The following SHISA6 variants were observed in gnomAD, a reference collection of about 807,000 sequenced individuals.
SHISA6 encodes protein shisa-6.
SHISA6 carries 22 observed loss-of-function variants against 47.9 expected under a neutral mutation model. That is an observed-to-expected ratio of 0.46 (90% CI 0.33 to 0.66). The LOEUF is 0.66. SHISA6 is among the 30% of genes least tolerant of loss of function. SHISA6 has a pLI of 0.02. For missense variants in SHISA6, 680 were observed against 764.6 expected, an observed-to-expected ratio of 0.89 and a Z score of 1.30; for synonymous variants, 388 against 337.8, an observed-to-expected ratio of 1.15 and a Z score of -1.63.
chr17:11,375,520 C>T (rs80233124), intron 2 of SHISA6, among the ~76,000 whole-genome samples: 7,009 of 152,272 alleles, frequency 0.046, 285 homozygotes, highest in Admixed American at 0.096. Context: ...TAAGTCTTTA[C>T]AGAGATCACC....
chr17:11,258,183 C>T (rs1597425479), intron 1 of SHISA6, among the ~76,000 whole-genome samples: 2 of 152,152 alleles, frequency 1.3e-5, no homozygotes, highest in Admixed American at 6.5e-5. Context: ...TTTCTTCCTA[C>T]CATCCCGAAA....
At chr17:11,447,246 A>G (rs552062275) in intron 3 of SHISA6, among the ~76,000 whole-genome samples, 1 of 152,264 alleles carries the variant, frequency 6.6e-6, no homozygotes, top group South Asian at 2.1e-4. Context: ...CCGAGGAGGG[A>G]AGGTAAGAAA....
At chr17:11,357,212 A>AT (rs1238818831) in intron 2 of SHISA6, among the ~76,000 whole-genome samples, 24 of 149,082 alleles carry the variant, frequency 1.6e-4, no homozygotes, top group South Asian at 2.1e-4. Flanking sequence ...AAAAAAATGA[A>AT]GAAGAAGAAG....
chr17:11,283,530 C>T (rs986588763), intron 2 of SHISA6, among the ~76,000 whole-genome samples: 7 of 152,172 alleles, frequency 4.6e-5, no homozygotes, highest in African/African-American at 1.2e-4. Context: ...AATGCATGCA[C>T]GTGCTAATTT....
chr17:11,459,051 A>C (rs1320792538), intron 3 of SHISA6, among the ~76,000 whole-genome samples: 1 of 151,686 alleles, frequency 6.6e-6, no homozygotes, highest in Admixed American at 6.6e-5. Context: ...CTCTACTAAA[A>C]AAAAAAAATG....
chr17:11,350,174 A>ATTTTTTTTTTTTTTTTTT (rs1310542458), intron 2 of SHISA6, among the ~76,000 whole-genome samples: 2 of 100,428 alleles, frequency 2.0e-5, no homozygotes, highest in East Asian at 4.9e-4. Flanking sequence ...TTATTTATTT[A>ATTTTTTTTTTTTTTTTTT]TTTATTTATT....
intron 2 of SHISA6, among the ~76,000 whole-genome samples, chr17:11,316,004 A>G (rs1017734703): frequency 6.6e-5 from 10 of 152,138 alleles, no homozygotes; most frequent in Non-Finnish European, 1.3e-4. Flanking sequence ...TCCATCATCA[A>G]GTGATCTGGT....
chr17:11,380,228 G>GT (rs1222628367), intron 3 of SHISA6: 2 of 152,232 alleles, frequency 1.3e-5, no homozygotes, highest in African/African-American at 4.8e-5. Flanking sequence ...CCTGTGTGCT[G>GT]TTATAGATCA....
intron 1 of SHISA6, among the ~76,000 whole-genome samples, chr17:11,245,407 C>A (rs1907538324): frequency 6.6e-6 from 1 of 152,224 alleles, no homozygotes; most frequent in African/African-American, 2.4e-5. Flanking sequence ...CTGACTTCCG[C>A]ACAGCTCCCC....
intron 3 of SHISA6, among the ~76,000 whole-genome samples, chr17:11,493,914 A>ATTT (rs60787178): frequency 3.3e-5 from 5 of 149,934 alleles, no homozygotes; most frequent in African/African-American, 1.2e-4. Flanking sequence ...TCTCCCTTCT[A>ATTT]TTTTTTTTTT....
At chr17:11,483,139 T>A (rs1045245114) in intron 3 of SHISA6, among the ~76,000 whole-genome samples, 1 of 151,886 alleles carries the variant, frequency 6.6e-6, no homozygotes, top group African/African-American at 2.4e-5. Context: ...CCGTCTCTAC[T>A]AATAATACAA....
chr17:11,516,863 T>TA (rs1394563308), intron 3 of SHISA6, among the ~76,000 whole-genome samples: 1 of 152,092 alleles, frequency 6.6e-6, no homozygotes, highest in Non-Finnish European at 1.5e-5. Flanking sequence ...ACACATGGAT[T>TA]AAAAAATCCC....
chr17:11,344,257 C>G (rs866448509), intron 2 of SHISA6, among the ~76,000 whole-genome samples: 46 of 152,154 alleles, frequency 3.0e-4, no homozygotes, highest in African/African-American at 1.1e-3. Flanking sequence ...TAAATATTTT[C>G]CTTCGTTCTG....
At chr17:11,369,937 G>A (rs1912580116) in intron 2 of SHISA6, among the ~76,000 whole-genome samples, 2 of 152,214 alleles carry the variant, frequency 1.3e-5, no homozygotes, top group African/African-American at 4.8e-5. Flanking sequence ...AATGTGCCCA[G>A]GGCTGGGAAA....
intron 2 of SHISA6, among the ~76,000 whole-genome samples, chr17:11,275,462 C>G (rs768277138): frequency 1.3e-5 from 2 of 152,124 alleles, no homozygotes; most frequent in Non-Finnish European, 2.9e-5. Context: ...TGATTTTGGT[C>G]CTTTATTGGA....
At chr17:11,316,306 A>C (rs777672776) in intron 2 of SHISA6, among the ~76,000 whole-genome samples, 8 of 143,450 alleles carry the variant, frequency 5.6e-5, no homozygotes, top group Non-Finnish European at 1.2e-4. Context: ...TCAGTAAACA[A>C]GGTTTGGGTT....
In SHISA6 at chr17:11,560,308, T is replaced by C. The variant is rs542116949; in HGVS notation, c.*2004T>C. On this transcript the variant is annotated 3_prime_UTR_variant, in exon 6 of 6. Transcript: ENST00000441885. ...TGTCAGACCCCACACTGGGGATGCA[T>C]TCCTGGAGTCGTGCGGCTGGAAGGC... 1 of 152,586 alleles carries C rather than the reference T, an allele frequency of 6.6e-6. No individual in the cohort carries two copies. Among genetic ancestry groups the C allele is most frequent in the African/African-American group, 2.4e-5 (1 of 41,594 alleles). The allele number at this position is 152,586 out of a possible 1,614,324, so 9.5% of individuals were successfully genotyped here. A position where few individuals can be genotyped will look rare whatever the true frequency, so the allele number is the denominator to read the frequency against.
intron 2 of SHISA6, among the ~76,000 whole-genome samples, chr17:11,279,338 C>G (rs868051182): frequency 6.6e-6 from 1 of 152,108 alleles, no homozygotes; most frequent in African/African-American, 2.4e-5. Context: ...GTTAGACCCT[C>G]GTAGAGGTAC....
chr17:11,434,665 C>T (rs553788606), intron 3 of SHISA6, among the ~76,000 whole-genome samples: 3 of 152,168 alleles, frequency 2.0e-5, no homozygotes, highest in Non-Finnish European at 4.4e-5. Context: ...GAGAGACTTA[C>T]ATAAGACATA....
Sources: allele counts gnomAD v4.1 joint callset (sites outside exome capture counted in the v4.1 genomes callset), GRCh38; gene constraint gnomAD v4.1.1; transcripts MANE v1.5; gene names NCBI Gene and HGNC (gene_info 2026-07-23, HGNC 2026-07-21).